The following IL1RAPL1 variants were observed in gnomAD, a reference collection of about 807,000 sequenced individuals.
IL1RAPL1 encodes the protein interleukin-1 receptor accessory protein-like 1.
In IL1RAPL1, 3 loss-of-function variants were observed where a neutral mutation model predicts 48.4. The observed-to-expected ratio is 0.06, with a 90% CI of 0.03 to 0.16. The LOEUF is 0.16. IL1RAPL1 is among the 10% of genes least tolerant of loss of function. IL1RAPL1 has a pLI of 1.00. For missense variants in IL1RAPL1, 349 were observed against 530.6 expected, an observed-to-expected ratio of 0.66 and a Z score of 3.36; for synonymous variants, 185 against 187.7, an observed-to-expected ratio of 0.99 and a Z score of 0.12.
intron 3 of IL1RAPL1, among the ~76,000 whole-genome samples, chrX:29,335,964 A>C (rs976229765): frequency 7.3e-5 from 8 of 109,546 alleles, no homozygotes; most frequent in Non-Finnish European, 1.5e-4. Flanking sequence ...AAATAGTTCC[A>C]AAAATATGTG....
intron 3 of IL1RAPL1, among the ~76,000 whole-genome samples, chrX:29,292,707 A>C (rs1932389403): frequency 9.0e-6 from 1 of 111,249 alleles, no homozygotes; most frequent in South Asian, 3.7e-4. Context: ...CCAAGGATCT[A>C]GTGTAGTTTC....
At chrX:29,014,437 T>C in intron 2 of IL1RAPL1, among the ~76,000 whole-genome samples, 1 of 111,882 alleles carries the variant, frequency 8.9e-6, no homozygotes. Context: ...TGTGTATATA[T>C]ACTCTTAACC....
intron 1 of IL1RAPL1, among the ~76,000 whole-genome samples, chrX:28,744,721 C>T (rs897649336): frequency 5.4e-5 from 6 of 111,227 alleles, no homozygotes; most frequent in East Asian, 2.8e-4. Context: ...GAGAGATGGA[C>T]GCTGAGCACA....
chrX:29,694,211 G>A (rs1926850474), intron 6 of IL1RAPL1, among the ~76,000 whole-genome samples: 1 of 111,864 alleles, frequency 8.9e-6, no homozygotes, highest in African/African-American at 3.2e-5. Context: ...GCTGAGATCT[G>A]CTTTTTCTCA....
At chrX:28,799,614 T>G (rs773278721) in intron 2 of IL1RAPL1, among the ~76,000 whole-genome samples, 2 of 112,261 alleles carry the variant, frequency 1.8e-5, no homozygotes, top group South Asian at 7.4e-4. Flanking sequence ...TGGTCAAACC[T>G]GGTGTTTGAC....
intron 2 of IL1RAPL1, among the ~76,000 whole-genome samples, chrX:29,019,306 G>T (rs900618751): frequency 3.6e-5 from 4 of 111,691 alleles, no homozygotes; most frequent in African/African-American, 1.3e-4. Flanking sequence ...GGTGAGGGTT[G>T]CACAACATTT....
At chrX:29,569,153 A>G (rs944700419) in intron 5 of IL1RAPL1, among the ~76,000 whole-genome samples, 21 of 111,330 alleles carry the variant, frequency 1.9e-4, no homozygotes, top group African/African-American at 6.8e-4. Context: ...AGGCATTTAT[A>G]TTTTCTAGTT....
At chrX:29,688,427 G>A (rs761967423) in intron 6 of IL1RAPL1, among the ~76,000 whole-genome samples, 2 of 111,328 alleles carry the variant, frequency 1.8e-5, no homozygotes, top group South Asian at 7.5e-4. Flanking sequence ...CTTTAAGGTC[G>A]CTTGTCATTG....
At chrX:28,775,061 G>T (rs1409877144) in intron 1 of IL1RAPL1, among the ~76,000 whole-genome samples, 3 of 111,860 alleles carry the variant, frequency 2.7e-5, no homozygotes, top group Non-Finnish European at 3.8e-5. Context: ...TACTGCATTA[G>T]CCTTCTACCT....
intron 2 of IL1RAPL1, among the ~76,000 whole-genome samples, chrX:29,079,392 T>C (rs1927752188): frequency 9.0e-6 from 1 of 111,223 alleles, no homozygotes; most frequent in South Asian, 3.8e-4. Context: ...GGTAAATAAG[T>C]CAGTGAAATA....
chrX:29,218,142 T>C (rs1186131264), intron 2 of IL1RAPL1, among the ~76,000 whole-genome samples: 1 of 111,880 alleles, frequency 8.9e-6, no homozygotes. Flanking sequence ...TACTTCATAG[T>C]GCAGGATTAT....
At chrX:28,851,283 G>T (rs1419282146) in intron 2 of IL1RAPL1, among the ~76,000 whole-genome samples, 1 of 110,064 alleles carries the variant, frequency 9.1e-6, no homozygotes, top group African/African-American at 3.3e-5. Context: ...GTAGGAGGCA[G>T]CAGTTATTAA....
At chrX:28,964,614 A>G (rs995012542) in intron 2 of IL1RAPL1, among the ~76,000 whole-genome samples, 5 of 111,639 alleles carry the variant, frequency 4.5e-5, no homozygotes, top group African/African-American at 1.6e-4. Context: ...GATATTTCCA[A>G]ATTATTCCCC....
At chrX:29,242,043 G>T (rs1355428051) in intron 2 of IL1RAPL1, among the ~76,000 whole-genome samples, 1 of 111,768 alleles carries the variant, frequency 8.9e-6, no homozygotes, top group African/African-American at 3.3e-5. Context: ...CAAGAAGCCG[G>T]TTAGTTACAG....
intron 5 of IL1RAPL1, among the ~76,000 whole-genome samples, chrX:29,586,357 T>C (rs1213172773): frequency 8.9e-6 from 1 of 111,746 alleles, no homozygotes; most frequent in Non-Finnish European, 1.9e-5. Flanking sequence ...ATTGGTTGTA[T>C]ATACATGGAT....
intron 1 of IL1RAPL1, among the ~76,000 whole-genome samples, chrX:28,620,415 A>G (rs1457319538): frequency 9.0e-6 from 1 of 111,476 alleles, no homozygotes; most frequent in Non-Finnish European, 1.9e-5. Context: ...TCCAAGAATT[A>G]GGCCCCCATC....
At chrX:29,791,064 C>T (rs892154458) in intron 6 of IL1RAPL1, among the ~76,000 whole-genome samples, 5 of 110,869 alleles carry the variant, frequency 4.5e-5, no homozygotes, top group Non-Finnish European at 9.4e-5. Flanking sequence ...TTTCTGCCTT[C>T]TCATCTCTAA....
At chrX:28,848,536 A>G (rs145215675) in intron 2 of IL1RAPL1, among the ~76,000 whole-genome samples, 1,724 of 110,457 alleles carry the variant, frequency 0.016, 13 homozygotes, top group Middle Eastern at 0.071. Context: ...TAACAGATTT[A>G]TCATTTTATT....
At chrX:29,684,273 TC>T (rs1926552157) in intron 6 of IL1RAPL1, among the ~76,000 whole-genome samples, 1 of 111,815 alleles carries the variant, frequency 8.9e-6, no homozygotes, top group African/African-American at 3.2e-5. Flanking sequence ...TGGCCAGGGT[TC>T]TCTGCTTCAT....
Sources: gnomAD v4.1 joint callset for allele counts (sites outside exome capture counted in the v4.1 genomes callset) on GRCh38, gnomAD v4.1.1 for gene constraint, MANE v1.5 for transcripts, NCBI Gene and HGNC (gene_info 2026-07-23, HGNC 2026-07-21) for gene names.